Variants in NAV3 observed in about 807,000 individuals in gnomAD.
The protein encoded by NAV3 is neuron navigator 3, also known as pore membrane and/or filament interacting like protein 1.
In NAV3, 87 loss-of-function variants were observed where a neutral mutation model predicts 244.7. The ratio of observed to expected loss-of-function variants is 0.36; its 90% CI spans 0.30 to 0.42. NAV3 has a LOEUF of 0.42. Among genes scored for constraint, NAV3 ranks in the 20% least tolerant of loss-of-function variants. The probability of loss-of-function intolerance (pLI) is 1.00; values close to 1 mark genes in which losing one functional copy is unlikely to be tolerated. For synonymous variants in NAV3, 1,126 were observed against 1,042.2 expected, an observed-to-expected ratio of 1.08 and a Z score of -1.55; for missense variants, 2,663 against 2,893.3, an observed-to-expected ratio of 0.92 and a Z score of 1.83.
At chr12:77,804,370 G>A (rs1237636332) in intron 2 of NAV3, among the ~76,000 whole-genome samples, 1 of 152,158 alleles carries the variant, frequency 6.6e-6, no homozygotes, top group African/African-American at 2.4e-5. Flanking sequence ...AAGGGGTACA[G>A]TTTCAGTTTT....
intron 2 of NAV3, among the ~76,000 whole-genome samples, chr12:77,610,537 C>T (rs950167650): frequency 2.0e-5 from 3 of 152,032 alleles, no homozygotes; most frequent in Non-Finnish European, 4.4e-5. Flanking sequence ...TTTATAGATA[C>T]GTAGACAAGC....
At chr12:77,687,302 TATTATTTCATTATTTGG>T (rs1874799460) in intron 2 of NAV3, among the ~76,000 whole-genome samples, 1 of 151,954 alleles carries the variant, frequency 6.6e-6, no homozygotes, top group African/African-American at 2.4e-5. Flanking sequence ...TTATTAGGAG[TATTATTTCATTATTTGG>T]ACACACTATG....
intron 2 of NAV3, among the ~76,000 whole-genome samples, chr12:77,802,625 C>G (rs148683408): frequency 1.3e-5 from 2 of 152,088 alleles, no homozygotes; most frequent in Admixed American, 1.3e-4. Flanking sequence ...ATACACAAAG[C>G]CAAAAACAGC....
chr12:78,190,303 C>G, intron 34 of NAV3, 84 bp downstream of exon 34: 1 of 1,089,810 alleles, frequency 9.2e-7, no homozygotes, highest in Non-Finnish European at 1.3e-6. Context: ...TGTGAGACTT[C>G]CATGTTGTAC....
chr12:78,003,705 G>A (rs1453332175), intron 7 of NAV3, among the ~76,000 whole-genome samples: 1 of 152,108 alleles, frequency 6.6e-6, no homozygotes, highest in East Asian at 1.9e-4. Flanking sequence ...TTACATCCAT[G>A]TATTAATTTT....
At chr12:78,193,295 A>G (rs1959061843) in intron 34 of NAV3, among the ~76,000 whole-genome samples, 1 of 152,200 alleles carries the variant, frequency 6.6e-6, no homozygotes, top group Non-Finnish European at 1.5e-5. Context: ...CAGTACACAT[A>G]AACAATTACA....
At chr12:78,177,807 T>G (rs1958306604) in intron 28 of NAV3, 122 bp downstream of exon 28, 7 of 860,124 alleles carry the variant, frequency 8.1e-6, no homozygotes, top group Admixed American at 3.0e-5. Context: ...TCTCTTTCTG[T>G]TTTTTCAACT....
intron 2 of NAV3, among the ~76,000 whole-genome samples, chr12:77,795,400 A>C (rs1871359975): frequency 6.6e-6 from 1 of 152,056 alleles, no homozygotes; most frequent in Non-Finnish European, 1.5e-5. Flanking sequence ...AATGAAGCAA[A>C]CTCCACCACA....
chr12:77,785,193 C>G (rs1337513852), intron 2 of NAV3, among the ~76,000 whole-genome samples: 1 of 152,094 alleles, frequency 6.6e-6, no homozygotes, highest in East Asian at 1.9e-4. Flanking sequence ...CCTTATGCCT[C>G]CATGCTGTGC....
intron 23 of NAV3, among the ~76,000 whole-genome samples, chr12:78,165,201 T>G (rs1373893702): frequency 6.6e-6 from 1 of 151,968 alleles, no homozygotes; most frequent in Non-Finnish European, 1.5e-5. Context: ...TGGAGGAAAA[T>G]GAAATCTTAG....
At chr12:77,844,397 A>G (rs1302770442) in intron 1 of NAV3, among the ~76,000 whole-genome samples, 1 of 152,224 alleles carries the variant, frequency 6.6e-6, no homozygotes, top group South Asian at 2.1e-4. Context: ...TAAAGCTATC[A>G]CATTGGTGAT....
intron 2 of NAV3, among the ~76,000 whole-genome samples, chr12:77,709,442 G>A (rs933546552): frequency 6.6e-6 from 1 of 152,154 alleles, no homozygotes; most frequent in African/African-American, 2.4e-5. Context: ...AGTGTTGGAA[G>A]TGCTGCCTTT....
At chr12:78,013,480 G>A (rs947901888) in intron 8 of NAV3, among the ~76,000 whole-genome samples, 1 of 152,110 alleles carries the variant, frequency 6.6e-6, no homozygotes, top group Admixed American at 6.6e-5. Context: ...GGAAACATAA[G>A]GCTGAAGGAA....
intron 2 of NAV3, among the ~76,000 whole-genome samples, chr12:77,743,480 C>T (rs1437440933): frequency 6.6e-6 from 1 of 151,732 alleles, no homozygotes; most frequent in East Asian, 1.9e-4. Flanking sequence ...AACATATGTC[C>T]ACACTAAGAG....
At chr12:78,138,093 A>G (rs533233699) in intron 19 of NAV3, among the ~76,000 whole-genome samples, 3 of 152,296 alleles carry the variant, frequency 2.0e-5, no homozygotes, top group East Asian at 1.9e-4. Context: ...TACAGCATAC[A>G]TATTATAAAG....
intron 2 of NAV3, among the ~76,000 whole-genome samples, chr12:77,643,165 A>G (rs1565749932): frequency 6.6e-6 from 1 of 151,966 alleles, no homozygotes; most frequent in Non-Finnish European, 1.5e-5. Context: ...AATTCCTCGT[A>G]TGTTCTGTAT....
At chr12:77,804,879 G>A (rs1440269450) in intron 2 of NAV3, among the ~76,000 whole-genome samples, 1 of 151,974 alleles carries the variant, frequency 6.6e-6, no homozygotes, top group Non-Finnish European at 1.5e-5. Context: ...CCTTGAAGAG[G>A]TCCTTCACAT....
chr12:77,663,522 C>CTT (rs4017472), intron 2 of NAV3, among the ~76,000 whole-genome samples: 16,620 of 139,262 alleles, frequency 0.12, 2,285 homozygotes, highest in African/African-American at 0.34. Flanking sequence ...TCTTCTTCTT[C>CTT]TTTTTTTTTT....
At chr12:77,712,962 G>T (rs528212910) in intron 2 of NAV3, among the ~76,000 whole-genome samples, 1 of 152,304 alleles carries the variant, frequency 6.6e-6, no homozygotes, top group African/African-American at 2.4e-5. Context: ...GGGTGTCTGT[G>T]ATGACTGCAG....
Sources: gnomAD v4.1 joint callset for allele counts (sites outside exome capture counted in the v4.1 genomes callset) on GRCh38, gnomAD v4.1.1 for gene constraint, MANE v1.5 for transcripts, NCBI Gene and HGNC (gene_info 2026-07-23, HGNC 2026-07-21) for gene names.